ST7: variants seen among roughly 807,000 people sequenced by gnomAD.
ST7 encodes the protein suppressor of tumorigenicity 7 protein.
ST7 carries 28 observed loss-of-function variants against 78.7 expected under a neutral mutation model. That is an observed-to-expected ratio of 0.36 (90% CI 0.26 to 0.49). The LOEUF (loss-of-function observed/expected upper bound fraction) is 0.49, where lower values mean the gene tolerates loss of function less well. Among genes scored for constraint, ST7 ranks in the 20% least tolerant of loss-of-function variants. ST7 has a pLI of 0.99. For synonymous variants in ST7, 247 were observed against 249.6 expected (o/e 0.99, Z 0.10); for missense variants, 418 against 696.0 (o/e 0.60, Z 4.49).
chr7:117,014,147 A>G (rs12539753), intron 1 of ST7, among the ~76,000 whole-genome samples: 78,002 of 151,996 alleles, frequency 0.51, 20,992 homozygotes, highest in Non-Finnish European at 0.6. Context: ...AAATTGTCCA[A>G]CCATTCAGGT....
chr7:117,133,089 A>T (rs148462446), intron 6 of ST7, among the ~76,000 whole-genome samples: 406 of 152,068 alleles, frequency 2.7e-3, no homozygotes, highest in African/African-American at 8.9e-3. Context: ...CTTAGTGAAT[A>T]TAAGCTGGCT....
Position 117,190,882 on chromosome 7 carries a change from G to A in ST7, c.1200G>A (p.Met400Ile). The change falls in exon 12 of 16, where the codon ATG becomes ATA. Residue 400 changes from methionine (M) to isoleucine (I), a missense_variant. Transcript: ENST00000323984. The surrounding 1 kb of genome is among the most constrained non-coding windows in gnomAD (Gnocchi z 5.2). ...ASRRGLSTAE[M>I]NAVEAIHRAV... The stretch of plus-strand genomic sequence containing the variant: ...GGCGGGGGCTGAGCACAGCAGAGAT[G>A]AATGCAGTAGAGGCCATTCATAGAG... The A allele has an allele frequency of 6.2e-7, 1 of 1,614,106 alleles. No homozygotes were observed. The highest frequency in any genetic ancestry group is 8.5e-7 in the Non-Finnish European group (1 of 1,180,010).
intron 1 of ST7, among the ~76,000 whole-genome samples, chr7:117,037,100 C>T (rs1796937408): frequency 6.6e-6 from 1 of 152,166 alleles, no homozygotes; most frequent in South Asian, 2.1e-4. Flanking sequence ...GTCGCATGGA[C>T]AACCGGAGCA....
chr7:117,115,153 A>G lies in ST7; in HGVS notation c.235-4408A>G, dbSNP rs911041347. Among the ~76,000 whole-genome samples the G allele has an allele frequency of 2.0e-5, 3 of 150,704 alleles. 1 individual carries two copies. The highest frequency in any genetic ancestry group is 4.4e-5 in the Non-Finnish European group (3 of 67,720). ...CCCTCTCATTCCCAATTCCATCCCC[A>G]CCTCCCTTATTCCCAGAAGATATAC... On this transcript the variant is annotated intron_variant, in intron 2 of 15. Transcript: ENST00000323984.
intron 3 of ST7, among the ~76,000 whole-genome samples, chr7:117,124,916 C>T (rs201518361): frequency 4.6e-5 from 7 of 152,064 alleles, no homozygotes; most frequent in African/African-American, 7.2e-5. Context: ...TGTGGTCAGC[C>T]GGGCTTACTC....
chr7:116,966,252 T>C (rs893452688), intron 1 of ST7: 58 of 279,344 alleles, frequency 2.1e-4, no homozygotes, highest in South Asian at 8.8e-4. Flanking sequence ...TCTTTCTTTT[T>C]TTTTTTTTTT....
At chr7:117,087,941 T>C (rs1800289497) in intron 1 of ST7, among the ~76,000 whole-genome samples, 1 of 152,226 alleles carries the variant, frequency 6.6e-6, no homozygotes, top group Non-Finnish European at 1.5e-5. Context: ...TGTCTGTCTT[T>C]GTCACATCTC....
intron 15 of ST7, among the ~76,000 whole-genome samples, chr7:117,222,354 A>G (rs1352359796): frequency 2.0e-5 from 3 of 152,236 alleles, no homozygotes; most frequent in Admixed American, 2.0e-4. Context: ...CTAGCAAATG[A>G]AAATGTGTGG....
intron 12 of ST7, among the ~76,000 whole-genome samples, chr7:117,203,904 A>G (rs1287744063): frequency 2.0e-5 from 3 of 152,188 alleles, no homozygotes; most frequent in African/African-American, 7.2e-5. Flanking sequence ...GTGCTCCCAT[A>G]TCTGTACACT....
intron 12 of ST7, among the ~76,000 whole-genome samples, chr7:117,208,911 GT>G (rs1792040055): frequency 2.8e-5 from 1 of 35,630 alleles, no homozygotes; most frequent in African/African-American, 5.6e-5. Context: ...GGGTGTGTGT[GT>G]GTGTGTGTGT....
intron 1 of ST7, among the ~76,000 whole-genome samples, chr7:117,033,092 A>G (rs1796685624): frequency 6.6e-6 from 1 of 152,196 alleles, no homozygotes; most frequent in South Asian, 2.1e-4. Flanking sequence ...CTTAAATGAA[A>G]TAAGTAAAAT....
intron 13 of ST7, among the ~76,000 whole-genome samples, chr7:117,210,934 C>T (rs531799024): frequency 6.6e-6 from 1 of 152,282 alleles, no homozygotes. Flanking sequence ...CCTAGCTCAC[C>T]CTTACTCTGA....
At chr7:117,189,418 T>C in intron 11 of ST7, 25 bp downstream of exon 11, 2 of 1,549,964 alleles carry the variant, frequency 1.3e-6, no homozygotes, top group African/African-American at 1.4e-5. Flanking sequence ...GTTTGCGCGG[T>C]ACTAATGCCT....
chr7:117,071,128 A>G (rs1419983519), intron 1 of ST7, among the ~76,000 whole-genome samples: 9 of 152,172 alleles, frequency 5.9e-5, no homozygotes, highest in African/African-American at 2.2e-4. Flanking sequence ...CTGAGACAGG[A>G]GAATGGCGTG....
intron 1 of ST7, among the ~76,000 whole-genome samples, chr7:117,089,410 G>A (rs2116677813): frequency 6.6e-6 from 1 of 152,050 alleles, no homozygotes; most frequent in African/African-American, 2.4e-5. Flanking sequence ...TTTGAAGCAG[G>A]TACACAACAA....
intron 1 of ST7, among the ~76,000 whole-genome samples, chr7:116,976,362 GT>G (rs1193900615): frequency 6.6e-6 from 1 of 152,174 alleles, no homozygotes; most frequent in African/African-American, 2.4e-5. Context: ...CTGTCAACCT[GT>G]GGGTAGATTG....
chr7:117,158,202 T>C (rs1301895280), intron 9 of ST7, among the ~76,000 whole-genome samples: 1 of 152,228 alleles, frequency 6.6e-6, no homozygotes, highest in African/African-American at 2.4e-5. Flanking sequence ...GGACAATCTT[T>C]GAAGATTTCC....
intron 1 of ST7, among the ~76,000 whole-genome samples, chr7:116,968,119 T>A (rs1167837798): frequency 6.6e-6 from 1 of 152,232 alleles, no homozygotes; most frequent in Non-Finnish European, 1.5e-5. Flanking sequence ...CAAAGCTAAA[T>A]TTCATTAATC....
intron 1 of ST7, among the ~76,000 whole-genome samples, chr7:117,017,625 C>G (rs1256040260): frequency 6.6e-6 from 1 of 151,096 alleles, no homozygotes; most frequent in Non-Finnish European, 1.5e-5. Flanking sequence ...TATTATATGA[C>G]TTTTTTTTTG....
Sources: gnomAD v4.1 joint callset for allele counts (sites outside exome capture counted in the v4.1 genomes callset) on GRCh38, gnomAD v4.1.1 for gene constraint, Gnocchi (gnomAD v3.1) non-coding constraint, MANE v1.5 for transcripts, NCBI Gene and HGNC (gene_info 2026-07-23, HGNC 2026-07-21) for gene names.